INSL6: variants seen among roughly 807,000 people sequenced by gnomAD.
INSL6 encodes insulin like 6, also known as insulin-like peptide INSL6.
A neutral mutation model predicts 9.4 loss-of-function variants in INSL6; 16 were observed. The observed-to-expected ratio is 1.70, with a 90% CI of 1.15 to 2.59. The LOEUF is 2.59. Among genes scored for constraint, INSL6 ranks in the 30% most tolerant of loss-of-function variants. INSL6 has a pLI of 0.00. For missense variants in INSL6, 391 were observed against 257.3 expected (o/e 1.52, Z -3.56); for synonymous variants, 154 against 96.9 (o/e 1.59, Z -3.46).
chr9:5,179,432 T>C (rs1825394256), intron 1 of INSL6, among the ~76,000 whole-genome samples: 1 of 152,184 alleles, frequency 6.6e-6, no homozygotes, highest in African/African-American at 2.4e-5. Context: ...TGGAAGACAG[T>C]GTGGTGATTT....
chr9:5,010,330 C>CT, the INSL6 span, among the ~76,000 whole-genome samples: 114 of 144,420 alleles, frequency 7.9e-4, no homozygotes, highest in South Asian at 3.7e-3. Flanking sequence ...TGTCAGTTGT[C>CT]TTTTTTTTTT....
At chr9:5,097,514 T>G in the INSL6 span, 1 of 152,200 alleles carries the variant, frequency 6.6e-6, no homozygotes, top group African/African-American at 2.4e-5. Flanking sequence ...GGGTTTATTG[T>G]ATGAGCACAC....
chr9:5,042,294 C>T, the INSL6 span, among the ~76,000 whole-genome samples: 2 of 151,618 alleles, frequency 1.3e-5, no homozygotes, highest in African/African-American at 2.4e-5. Flanking sequence ...CCCGCCACCG[C>T]GCCCGGCTAA....
the INSL6 span, among the ~76,000 whole-genome samples, chr9:5,012,292 T>G: frequency 1.3e-5 from 2 of 152,332 alleles, no homozygotes; most frequent in Admixed American, 6.5e-5. Flanking sequence ...TGTATTCCCC[T>G]TCTTTCAAGG....
the INSL6 span, among the ~76,000 whole-genome samples, chr9:5,074,540 CAGAG>C: frequency 2.0e-5 from 3 of 152,170 alleles, no homozygotes; most frequent in African/African-American, 7.2e-5. Context: ...GTGTCCCAAA[CAGAG>C]AGAATATAAG....
chr9:5,085,896 T>C, the INSL6 span: 1 of 875,672 alleles, frequency 1.1e-6, no homozygotes. Context: ...GAGCGGTTCC[T>C]TTCTAATACC....
chr9:5,022,335 T>TGAAAACACACACGCCA, the INSL6 span: 1 of 618,434 alleles, frequency 1.6e-6, no homozygotes, highest in Non-Finnish European at 2.7e-6. Flanking sequence ...GGCTGGCGTG[T>TGAAAACACACACGCCA]GTGTTTTCAC....
the INSL6 span, among the ~76,000 whole-genome samples, chr9:5,117,725 G>A: frequency 1.3e-5 from 2 of 151,814 alleles, no homozygotes; most frequent in Non-Finnish European, 1.5e-5. Context: ...GGTAAATACT[G>A]GTAGATATAA....
At chr9:5,150,940 G>T (rs919705172) in intron 2 of INSL6, among the ~76,000 whole-genome samples, 2 of 151,888 alleles carry the variant, frequency 1.3e-5, no homozygotes, top group African/African-American at 4.8e-5. Flanking sequence ...AACATGGGTG[G>T]AACTGGAGGC....
At chr9:5,107,195 C>G in the INSL6 span, among the ~76,000 whole-genome samples, 7 of 152,114 alleles carry the variant, frequency 4.6e-5, no homozygotes, top group African/African-American at 1.4e-4. Context: ...TTCCAATCAA[C>G]TAGTTTCGAT....
downstream of INSL6, chr9:5,123,064 T>A (rs1440642433): frequency 6.8e-6 from 11 of 1,611,922 alleles, no homozygotes. Flanking sequence ...TTTGGAGCTT[T>A]GGAGTGGTTC....
the INSL6 span, among the ~76,000 whole-genome samples, chr9:5,118,163 A>G: frequency 6.6e-6 from 1 of 151,960 alleles, no homozygotes; most frequent in African/African-American, 2.4e-5. Flanking sequence ...TCCATCTCAA[A>G]CAAACAAATA....
chr9:5,036,318 T>C, the INSL6 span, among the ~76,000 whole-genome samples: 1 of 152,210 alleles, frequency 6.6e-6, no homozygotes, highest in South Asian at 2.1e-4. Flanking sequence ...CCTTTATGGA[T>C]TCAATGCCAT....
the INSL6 span, among the ~76,000 whole-genome samples, chr9:5,087,483 C>G: frequency 4.7e-5 from 2 of 42,628 alleles, no homozygotes; most frequent in East Asian, 1.1e-3. Context: ...CACTCCCTTA[C>G]TTGATTTCTT....
chr9:5,169,620 G>C (rs1825134525), intron 1 of INSL6, among the ~76,000 whole-genome samples: 1 of 152,192 alleles, frequency 6.6e-6, no homozygotes, highest in East Asian at 1.9e-4. Context: ...CTGAATTCAA[G>C]AGACTCATCT....
chr9:5,100,721 A>G, the INSL6 span: 2 of 152,212 alleles, frequency 1.3e-5, no homozygotes, highest in African/African-American at 4.8e-5. Flanking sequence ...TAATTCTAGC[A>G]CTATCCATCA....
intron 3 of INSL6, chr9:5,128,184 T>C (rs182800121): frequency 3.4e-5 from 8 of 232,234 alleles, no homozygotes; most frequent in Non-Finnish European, 1.7e-5. Flanking sequence ...TCTTACTTTA[T>C]TTTTACTGGT....
chr9:5,109,497 A>G, the INSL6 span: 1 of 152,168 alleles, frequency 6.6e-6, no homozygotes, highest in Admixed American at 6.5e-5. Flanking sequence ...AAAGTAACAA[A>G]TATGTATTTT....
At chr9:5,108,852 G>A in the INSL6 span, 4 of 152,114 alleles carry the variant, frequency 2.6e-5, no homozygotes, top group Non-Finnish European at 5.9e-5. Context: ...CTTTACAGGT[G>A]CCGTCACCCT....
Sources: allele counts gnomAD v4.1 joint callset (sites outside exome capture counted in the v4.1 genomes callset), GRCh38; gene constraint gnomAD v4.1.1; transcripts MANE v1.5; gene names NCBI Gene and HGNC (gene_info 2026-07-23, HGNC 2026-07-21).